HOMER1: variants seen among roughly 807,000 people sequenced by gnomAD.
HOMER1 encodes homer scaffold protein 1.
HOMER1 carries 3 observed loss-of-function variants against 48.9 expected under a neutral mutation model. The observed-to-expected ratio is 0.06, with a 90% confidence interval of 0.03 to 0.16. The LOEUF is 0.16. HOMER1 is among the 10% of genes least tolerant of loss of function. HOMER1 has a pLI of 1.00. For synonymous variants in HOMER1, 134 were observed against 146.4 expected, an observed-to-expected ratio of 0.92 and a Z score of 0.61; for missense variants, 247 against 411.4, an observed-to-expected ratio of 0.60 and a Z score of 3.46.
Position 79,382,794 on chromosome 5 carries a change from C to G in HOMER1, c.877-6597G>C, listed in dbSNP as rs146861415. Among the ~76,000 whole-genome samples the G allele has an allele frequency of 3.1e-3, 466 of 152,250 alleles. 2 individuals are homozygous for G. Among genetic ancestry groups the G allele is most frequent in the Non-Finnish European group, 4.4e-3 (299 of 68,018 alleles). On this transcript the variant is annotated intron_variant, in intron 8 of 8. Coordinates refer to ENST00000334082, the MANE Select transcript of HOMER1 (RefSeq NM_004272.5). ...ATCACTACACCAAACTACCAAATCA[C>G]AATGACGAACAATAGGAGAAAAAGG...
At chr5:79,438,895 A>AT in intron 5 of HOMER1, 115 bp downstream of exon 5, 5 of 733,204 alleles carry the variant, frequency 6.8e-6, no homozygotes, top group African/African-American at 1.8e-5. Context: ...AAAAAAAAAA[A>AT]GTCAAAGTCA....
At chr5:79,482,947 G>T (rs1196118557) in intron 1 of HOMER1, among the ~76,000 whole-genome samples, 1 of 152,074 alleles carries the variant, frequency 6.6e-6, no homozygotes, top group Non-Finnish European at 1.5e-5. Context: ...AGGCTGCAGT[G>T]AGCCGTGATC....
At chr5:79,411,705 C>T (rs1203912228) in intron 5 of HOMER1, among the ~76,000 whole-genome samples, 1 of 152,172 alleles carries the variant, frequency 6.6e-6, no homozygotes, top group Non-Finnish European at 1.5e-5. Context: ...CCCATTCCTC[C>T]AGGGCCTAGG....
rs1748767411 is a variant in HOMER1 at position 79,376,166 on chromosome 5, C to T, written c.908G>A (p.Gly303Glu). The change falls in exon 9 of 9, where the codon GGA becomes GAA. Residue 303 changes from glycine to glutamate, a missense_variant. Gly to Glu is a moderately conservative substitution (Grantham distance 98). Around this residue, in one of 4 missense-constraint regions of HOMER1, gnomAD observed 113 missense variants for 152.5 expected, o/e 0.74. Transcript: ENST00000334082. ...EVEIRNKDLEGQLSDLEQRLE... is the reference protein window; with the variant it reads ...EVEIRNKDLEEQLSDLEQRLE... ...ACGTTGCTCTAAGTCAGACAGTTGT[C>T]CCTCCAGGTCTTTGTTCCGAATTTC... 1 of 1,612,518 alleles carries T rather than the reference C, an allele frequency of 6.2e-7. No individual in the cohort carries two copies. The highest frequency in any genetic ancestry group is 8.5e-7 in the Non-Finnish European group (1 of 1,179,438).
At chr5:79,473,286 T>C (rs946633485) in intron 1 of HOMER1, among the ~76,000 whole-genome samples, 1 of 152,188 alleles carries the variant, frequency 6.6e-6, no homozygotes, top group African/African-American at 2.4e-5. Context: ...CAACACAAAT[T>C]TGTAAACTTT....
At position 79,463,756 on chromosome 5, in the gene HOMER1, C is replaced by A. The variant is rs1434428623; in HGVS notation, c.6-6738G>T. ...TATACACAATTTGATTTTGGGGTCC[C>A]CATTTAAAATTGTAGAACCAACAGA... On this transcript the variant is annotated intron_variant, in intron 1 of 8. Transcript: ENST00000334082. Among the ~76,000 whole-genome samples, 9 of 152,120 alleles carry A rather than the reference C, an allele frequency of 5.9e-5. No individual in the cohort carries two copies. In the East Asian group the frequency reaches 1.7e-3, roughly 29 times the overall value.
intron 5 of HOMER1, among the ~76,000 whole-genome samples, chr5:79,427,783 A>ATTTCCTTCCTTCCTTCC (rs1400692032): frequency 1.5e-5 from 1 of 67,466 alleles, no homozygotes; most frequent in Non-Finnish European, 3.1e-5. Context: ...CCTTTCCTTC[A>ATTTCCTTCCTTCCTTCC]TTTCCTTCCT....
intron 5 of HOMER1, among the ~76,000 whole-genome samples, chr5:79,419,100 T>C (rs1486301851): frequency 6.6e-6 from 1 of 152,108 alleles, no homozygotes; most frequent in African/African-American, 2.4e-5. Flanking sequence ...ACAAATAAAA[T>C]AGAAAGGATG....
chr5:79,500,646 T>A (rs1752550610), intron 1 of HOMER1, among the ~76,000 whole-genome samples: 1 of 150,978 alleles, frequency 6.6e-6, no homozygotes, highest in South Asian at 2.1e-4. Flanking sequence ...TTTTTTTTTC[T>A]GAGACAGAGT....
intron 1 of HOMER1, among the ~76,000 whole-genome samples, chr5:79,500,954 A>T (rs62363157): frequency 0.11 from 8,051 of 75,010 alleles, 266 homozygotes; most frequent in Admixed American, 0.17. Context: ...TGTGTGTGTG[A>T]GACAGACAGA....
chr5:79,428,090 G>A (rs1227969003), intron 5 of HOMER1, among the ~76,000 whole-genome samples: 2 of 152,040 alleles, frequency 1.3e-5, no homozygotes, highest in Non-Finnish European at 2.9e-5. Flanking sequence ...TTCCTCTTTA[G>A]TCCAGTTCAT....
chr5:79,402,097 T>G, intron 5 of HOMER1, 42 bp from the exon 6 acceptor site: 2 of 1,521,748 alleles, frequency 1.3e-6, no homozygotes, highest in Non-Finnish European at 1.8e-6. Context: ...TTACACCAAC[T>G]ACTGTTACCT....
At position 79,377,410 on chromosome 5, in the gene HOMER1, C is replaced by T. The variant is rs190121089; in HGVS notation, c.877-1213G>A. On this transcript the variant is annotated intron_variant, in intron 8 of 8. Coordinates refer to ENST00000334082, the MANE Select transcript of HOMER1 (RefSeq NM_004272.5). Reference sequence around the variant, plus strand: ...AAATGGGAGAAAGCCAACTATTACACTTTAAATAAGCAATTCAGATAAGCA... The same window carrying T: ...AAATGGGAGAAAGCCAACTATTACATTTTAAATAAGCAATTCAGATAAGCA... Among the ~76,000 whole-genome samples, 274 of 152,224 alleles carry T rather than the reference C, an allele frequency of 1.8e-3. 1 individual carries two copies. The highest frequency in any genetic ancestry group is 6.2e-3 in the African/African-American group (259 of 41,520).
intron 1 of HOMER1, among the ~76,000 whole-genome samples, chr5:79,467,589 TCA>T (rs1751506909): frequency 6.6e-6 from 1 of 152,148 alleles, no homozygotes; most frequent in African/African-American, 2.4e-5. Flanking sequence ...AGAGAAAGAT[TCA>T]GAGATACTTG....
At chr5:79,436,881 T>TA (rs1317648767) in intron 5 of HOMER1, among the ~76,000 whole-genome samples, 11 of 152,198 alleles carry the variant, frequency 7.2e-5, no homozygotes, top group Non-Finnish European at 4.4e-5. Context: ...GAGAATGTCT[T>TA]AAAAAAATCC....
intron 8 of HOMER1, among the ~76,000 whole-genome samples, chr5:79,389,911 G>C (rs1349500303): frequency 6.6e-6 from 1 of 152,146 alleles, no homozygotes; most frequent in African/African-American, 2.4e-5. Context: ...AAAACAGGGA[G>C]AGAAAGAGAA....
At chr5:79,503,042 C>A (rs1044338947) in intron 1 of HOMER1, among the ~76,000 whole-genome samples, 2 of 152,092 alleles carry the variant, frequency 1.3e-5, no homozygotes, top group Non-Finnish European at 2.9e-5. Flanking sequence ...CCGCCTTGGC[C>A]TCCCAAAGTG....
chr5:79,514,080 G>C lies in HOMER1; in HGVS notation c.-1306C>G, dbSNP rs1305388352. ...CCGGCCGGCCGGCTGGCAGAGAAGA[G>C]GGTGCTGCTTTCCCGGTCAGCGCCG... is the stretch of plus-strand genomic sequence containing the variant. On this transcript the variant is annotated 5_prime_UTR_variant, in exon 1 of 9. Transcript: ENST00000334082. 6.6e-6 allele frequency: 1 copy of C among 152,250 alleles called. No individual in the cohort carries two copies. Among genetic ancestry groups the C allele is most frequent in the African/African-American group, 2.4e-5 (1 of 41,446 alleles). The allele number at this position is 152,250 out of a possible 1,614,324, so 9.4% of individuals were successfully genotyped here. A position where few individuals can be genotyped will look rare whatever the true frequency, so the allele number is the denominator to read the frequency against.
At chr5:79,473,706 T>C (rs1751682413) in intron 1 of HOMER1, among the ~76,000 whole-genome samples, 2 of 152,158 alleles carry the variant, frequency 1.3e-5, no homozygotes, top group African/African-American at 4.8e-5. Context: ...GTTAGTCTTA[T>C]TTCTTAAGAA....
Sources: allele counts gnomAD v4.1 joint callset (sites outside exome capture counted in the v4.1 genomes callset), GRCh38; gene constraint gnomAD v4.1.1; regional missense constraint gnomAD v4.1.1; transcripts MANE v1.5; gene names NCBI Gene and HGNC (gene_info 2026-07-23, HGNC 2026-07-21).